Variants in PSMB7 observed in about 807,000 individuals in gnomAD.
The protein encoded by PSMB7 is proteasome subunit beta type-7.
In PSMB7, 5 loss-of-function variants were observed where a neutral mutation model predicts 28.1. The ratio of observed to expected loss-of-function variants is 0.18; its 90% CI spans 0.09 to 0.37. The LOEUF (loss-of-function observed/expected upper bound fraction) is 0.37, where lower values mean the gene tolerates loss of function less well. PSMB7 is among the 10% of genes least tolerant of loss of function. PSMB7 has a pLI of 1.00. For missense variants in PSMB7, 275 were observed against 346.2 expected (o/e 0.79, Z 1.63); for synonymous variants, 122 against 123.7 (o/e 0.99, Z 0.09).
chr9:124,401,944 G>T (rs779014603), intron 5 of PSMB7, among the ~76,000 whole-genome samples: 5 of 151,862 alleles, frequency 3.3e-5, no homozygotes, highest in Non-Finnish European at 7.4e-5. Flanking sequence ...ACTTGAACCC[G>T]GGAAGCAGGG....
In PSMB7 at chr9:124,403,428, G is replaced by A. The variant is rs537000643; in HGVS notation, c.511+1889C>T. Among the ~76,000 whole-genome samples the A allele has an allele frequency of 2.3e-4, 35 of 152,192 alleles. 1 individual carries two copies. The South Asian group carries it at 6.2e-3, about 27-fold the overall frequency. ...TAGTCACAGCTACTCAGGAGGCTGC[G>A]GTGGGTGGATCACCTGAGCCCGGGG... On this transcript the variant is annotated intron_variant, in intron 5 of 7. Coordinates refer to ENST00000259457, the MANE Select transcript of PSMB7 (RefSeq NM_002799.4).
intron 6 of PSMB7, among the ~76,000 whole-genome samples, chr9:124,363,903 C>T (rs1483036742): frequency 1.3e-5 from 2 of 152,148 alleles, no homozygotes; most frequent in African/African-American, 2.4e-5. Context: ...TGCACGGCCA[C>T]AATGGGCTGG....
chr9:124,371,409 G>C (rs1471214472), intron 6 of PSMB7, among the ~76,000 whole-genome samples: 2 of 152,272 alleles, frequency 1.3e-5, no homozygotes, highest in Non-Finnish European at 1.5e-5. Flanking sequence ...ATTTCTAACA[G>C]AGCCTCACTT....
At chr9:124,374,329 T>C (rs976110644) in intron 6 of PSMB7, among the ~76,000 whole-genome samples, 1 of 152,136 alleles carries the variant, frequency 6.6e-6, no homozygotes, top group Non-Finnish European at 1.5e-5. Flanking sequence ...TAGCTGTACA[T>C]CTCTGTGAAT....
chr9:124,372,268 T>C (rs547875271), intron 6 of PSMB7, among the ~76,000 whole-genome samples: 20 of 152,230 alleles, frequency 1.3e-4, no homozygotes, highest in Non-Finnish European at 2.1e-4. Context: ...CTGATGACAT[T>C]CTGCTGATGA....
At chr9:124,414,990 C>G in intron 1 of PSMB7, 55 bp from the exon 2 acceptor site, 1 of 1,265,266 alleles carries the variant, frequency 7.9e-7, no homozygotes, top group South Asian at 1.3e-5. Flanking sequence ...TCGCACAGCA[C>G]TGGCATGAAA....
chr9:124,358,849 C>G (rs766056663), intron 6 of PSMB7, among the ~76,000 whole-genome samples: 6 of 152,236 alleles, frequency 3.9e-5, no homozygotes, highest in Non-Finnish European at 7.3e-5. Flanking sequence ...TGGCAGACAT[C>G]GCGACCCTGC....
At chr9:124,405,914 G>A (rs1830958110) in intron 4 of PSMB7, among the ~76,000 whole-genome samples, 1 of 151,764 alleles carries the variant, frequency 6.6e-6, no homozygotes, top group Non-Finnish European at 1.5e-5. Context: ...TCAAACTCCT[G>A]GACTCAAGCA....
At chr9:124,409,898 A>G (rs190977538) in intron 4 of PSMB7, among the ~76,000 whole-genome samples, 1 of 152,366 alleles carries the variant, frequency 6.6e-6, no homozygotes, top group Non-Finnish European at 1.5e-5. Context: ...ATAAAAGACT[A>G]TAATTATGCT....
intron 6 of PSMB7, among the ~76,000 whole-genome samples, chr9:124,360,737 CCA>C (rs2131142978): frequency 6.6e-6 from 1 of 152,340 alleles, no homozygotes; most frequent in Admixed American, 6.5e-5. Context: ...GTTTGAATCC[CCA>C]GTCTACTACT....
intron 6 of PSMB7, among the ~76,000 whole-genome samples, chr9:124,374,475 A>C (rs1830590067): frequency 6.6e-6 from 1 of 152,256 alleles, no homozygotes; most frequent in Admixed American, 6.5e-5. Context: ...AAAGTAGTCA[A>C]AACATCTGAT....
At chr9:124,376,307 C>T (rs1473865849) in intron 6 of PSMB7, among the ~76,000 whole-genome samples, 2 of 151,776 alleles carry the variant, frequency 1.3e-5, no homozygotes, top group Non-Finnish European at 2.9e-5. Flanking sequence ...TCCTGTAAAA[C>T]AGCTCTCTTG....
chr9:124,405,439 A>T lies in PSMB7; in HGVS notation c.396-7T>A. The T allele has an allele frequency of 6.4e-7, 1 of 1,568,590 alleles. No homozygotes were observed. On this transcript the variant is annotated splice_region_variant and splice_polypyrimidine_tract_variant and intron_variant, in intron 4 of 7. Transcript: ENST00000259457. ...ACCAATGTAACCTTGATACCTGGTG[A>T]TCAGAGTATGCATAAGAAAAAAAAC...
intron 4 of PSMB7, 62 bp from the exon 5 acceptor site, chr9:124,405,494 G>T: frequency 1.7e-6 from 2 of 1,147,444 alleles, no homozygotes; most frequent in East Asian, 2.4e-5. Context: ...CTGTAACTTA[G>T]CCAAAAGTTG....
At position 124,356,793 on chromosome 9, in the gene PSMB7, T is replaced by A. The variant is rs1346890094; in HGVS notation, c.693A>T (p.Pro231=). The change falls in exon 7 of 8, where the codon CCA becomes CCT. Residue 231 remains proline, a synonymous_variant. Transcript: ENST00000259457. This position sits in a 1 kb window ranked among gnomAD's most constrained non-coding sequence, Gnocchi z 4.4. ...TCCCCTTCTTGTTGGGCACTGTGTA[T>A]GGGCGGAGAAAATCCAGCTTGTTCT... ...ISKNKLDFLR[P]YTVPNKKGTR... The A allele has an allele frequency of 6.2e-7, 1 of 1,614,176 alleles. No homozygotes were observed. The highest frequency in any genetic ancestry group is 2.2e-5 in the East Asian group (1 of 44,884).
At chr9:124,373,176 G>A (rs1830579107) in intron 6 of PSMB7, among the ~76,000 whole-genome samples, 2 of 152,178 alleles carry the variant, frequency 1.3e-5, no homozygotes, top group Non-Finnish European at 2.9e-5. Flanking sequence ...CATAATGGGT[G>A]ATTTTCCGAA....
At chr9:124,381,643 T>C (rs1477031351) in intron 6 of PSMB7, among the ~76,000 whole-genome samples, 1 of 152,192 alleles carries the variant, frequency 6.6e-6, no homozygotes, top group African/African-American at 2.4e-5. Flanking sequence ...AATTAAAAGT[T>C]TGGAAATTTT....
intron 4 of PSMB7, among the ~76,000 whole-genome samples, chr9:124,405,826 G>C (rs1051616301): frequency 6.6e-6 from 1 of 152,084 alleles, no homozygotes; most frequent in Non-Finnish European, 1.5e-5. Flanking sequence ...GGGACTACAG[G>C]TGTGCACCAC....
intron 6 of PSMB7, chr9:124,384,038 C>T (rs2131161561): frequency 6.6e-6 from 1 of 152,228 alleles, no homozygotes; most frequent in Admixed American, 6.5e-5. Context: ...CCACCTTCCC[C>T]CACCACCAAA....
Sources: gnomAD v4.1 joint callset for allele counts (sites outside exome capture counted in the v4.1 genomes callset) on GRCh38, gnomAD v4.1.1 for gene constraint, Gnocchi (gnomAD v3.1) non-coding constraint, MANE v1.5 for transcripts, NCBI Gene and HGNC (gene_info 2026-07-23, HGNC 2026-07-21) for gene names.